Variants in SPAG16 observed in about 807,000 individuals in gnomAD.
SPAG16 encodes the protein sperm associated antigen 16.
Under a neutral mutation model 80.4 loss-of-function variants are expected in SPAG16, and 86 were observed. That is an observed-to-expected ratio of 1.07 (90% CI 0.90 to 1.28). The LOEUF is 1.28. Among genes scored for constraint, SPAG16 ranks in the 50% most tolerant of loss-of-function variants. SPAG16 has a pLI of 0.00. For synonymous variants in SPAG16, 294 were observed against 265.9 expected (o/e 1.11, Z -1.03); for missense variants, 870 against 765.3 (o/e 1.14, Z -1.61).
intron 15 of SPAG16, among the ~76,000 whole-genome samples, chr2:214,214,951 T>C (rs1441311376): frequency 6.6e-6 from 1 of 151,758 alleles, no homozygotes; most frequent in Non-Finnish European, 1.5e-5. Context: ...ATTACATTTA[T>C]GGCAAATCTG....
intron 10 of SPAG16, among the ~76,000 whole-genome samples, chr2:213,656,269 T>G (rs968838901): frequency 6.6e-6 from 1 of 152,210 alleles, no homozygotes; most frequent in African/African-American, 2.4e-5. Flanking sequence ...AAGCTCTGTC[T>G]CCCAGGTTCT....
chr2:214,245,256 A>G (rs756894740), intron 15 of SPAG16, among the ~76,000 whole-genome samples: 1 of 152,110 alleles, frequency 6.6e-6, no homozygotes, highest in African/African-American at 2.4e-5. Context: ...TATCCACGCT[A>G]TTCCCGGCAT....
intron 15 of SPAG16, among the ~76,000 whole-genome samples, chr2:214,275,643 C>G (rs955537574): frequency 6.6e-6 from 1 of 152,184 alleles, no homozygotes; most frequent in Admixed American, 6.5e-5. Context: ...TTTGATTGCA[C>G]TGTGGTCTGA....
At chr2:213,295,927 T>G (rs2062477186) in intron 1 of SPAG16, 137 bp from the exon 2 acceptor site, 6 of 602,742 alleles carry the variant, frequency 1.0e-5, no homozygotes, top group Non-Finnish European at 1.4e-5. Context: ...ACAAATTTTT[T>G]AAAGATTAAA....
At chr2:214,276,370 A>G (rs1164881224) in intron 15 of SPAG16, among the ~76,000 whole-genome samples, 1 of 152,140 alleles carries the variant, frequency 6.6e-6, no homozygotes, top group African/African-American at 2.4e-5. Flanking sequence ...CCATTAATTG[A>G]TGTAGTTTCT....
intron 13 of SPAG16, among the ~76,000 whole-genome samples, chr2:214,082,946 C>T (rs2051483449): frequency 6.6e-6 from 1 of 152,186 alleles, no homozygotes; most frequent in South Asian, 2.1e-4. Context: ...AACATAATCA[C>T]AAACTCTGAC....
chr2:213,926,659 T>C (rs2078494273), intron 11 of SPAG16, among the ~76,000 whole-genome samples: 1 of 152,168 alleles, frequency 6.6e-6, no homozygotes, highest in African/African-American at 2.4e-5. Flanking sequence ...GTTATAACCT[T>C]ACGTCGTTTG....
intron 12 of SPAG16, among the ~76,000 whole-genome samples, chr2:213,958,781 G>A (rs896694097): frequency 1.3e-5 from 2 of 152,036 alleles, no homozygotes; most frequent in Non-Finnish European, 2.9e-5. Context: ...GTAGAAAACA[G>A]TGAATTATAA....
chr2:213,711,529 T>A (rs2065986887), intron 10 of SPAG16, among the ~76,000 whole-genome samples: 1 of 150,698 alleles, frequency 6.6e-6, no homozygotes, highest in African/African-American at 2.4e-5. Context: ...TTCTTTCCTT[T>A]TTTTTTTTTT....
intron 14 of SPAG16, among the ~76,000 whole-genome samples, chr2:214,126,346 AG>A (rs2054497858): frequency 6.6e-6 from 1 of 151,306 alleles, no homozygotes; most frequent in African/African-American, 2.4e-5. Context: ...AGGAAGGTGG[AG>A]AAGGTCAGAG....
At chr2:213,973,636 CTT>C (rs375765183) in intron 12 of SPAG16, among the ~76,000 whole-genome samples, 2,095 of 140,626 alleles carry the variant, frequency 0.015, 52 homozygotes, top group African/African-American at 0.051. Context: ...AAATTGCCCC[CTT>C]TTTTTTTTTT....
Position 213,640,362 on chromosome 2 carries a change from A to G in SPAG16, c.1070+150272A>G, listed in dbSNP as rs1404423665. Reference sequence around the variant, plus strand: ...AGAATTGTTTTTCTGGTTCCTTCTCATTTGGGTAGACTATGTCAGTGGAAA... The same window carrying G: ...AGAATTGTTTTTCTGGTTCCTTCTCGTTTGGGTAGACTATGTCAGTGGAAA... On this transcript the variant is annotated intron_variant, in intron 10 of 15. Coordinates refer to ENST00000331683, the MANE Select transcript of SPAG16 (RefSeq NM_024532.5). 2.6e-5 allele frequency among the ~76,000 whole-genome samples: 4 copies of G among 151,940 alleles called. No individual in the cohort carries two copies. The East Asian group carries it at 7.7e-4, about 29-fold the overall frequency.
At chr2:213,768,645 G>A (rs1003057709) in intron 10 of SPAG16, among the ~76,000 whole-genome samples, 1 of 152,180 alleles carries the variant, frequency 6.6e-6, no homozygotes, top group Non-Finnish European at 1.5e-5. Flanking sequence ...GGTCTCAGAT[G>A]ATGAAAATAA....
At chr2:213,861,605 G>A (rs2105947282) in intron 10 of SPAG16, among the ~76,000 whole-genome samples, 1 of 152,242 alleles carries the variant, frequency 6.6e-6, no homozygotes, top group African/African-American at 2.4e-5. Context: ...AATTTTAATA[G>A]GTGCTTAACA....
chr2:214,365,979 GTTT>G (rs200531261), intron 15 of SPAG16, among the ~76,000 whole-genome samples: 1 of 140,740 alleles, frequency 7.1e-6, no homozygotes. Context: ...TATTTGCCAG[GTTT>G]TTTTTTTTTT....
chr2:214,154,591 G>A (rs1223885911), intron 15 of SPAG16, among the ~76,000 whole-genome samples: 1 of 145,662 alleles, frequency 6.9e-6, no homozygotes, highest in Non-Finnish European at 1.5e-5. Flanking sequence ...AAAATCTACA[G>A]TTCATCATTT....
intron 15 of SPAG16, among the ~76,000 whole-genome samples, chr2:214,388,893 T>A (rs1158725363): frequency 1.3e-5 from 2 of 152,170 alleles, no homozygotes; most frequent in Non-Finnish European, 2.9e-5. Flanking sequence ...CCTGTATTAA[T>A]AGACTGTTCC....
intron 15 of SPAG16, among the ~76,000 whole-genome samples, chr2:214,405,073 T>C (rs1315699554): frequency 6.6e-6 from 1 of 152,182 alleles, no homozygotes; most frequent in Non-Finnish European, 1.5e-5. Flanking sequence ...AATTCAGTGA[T>C]ATTCATAAAG....
intron 10 of SPAG16, among the ~76,000 whole-genome samples, chr2:213,540,028 AATTTTTT>A (rs1330585286): frequency 1.0e-4 from 13 of 130,456 alleles, no homozygotes; most frequent in African/African-American, 3.5e-4. Flanking sequence ...TATATTTCTT[AATTTTTT>A]TTTTTTTTTT....
Sources: gnomAD v4.1 joint callset for allele counts (sites outside exome capture counted in the v4.1 genomes callset) on GRCh38, gnomAD v4.1.1 for gene constraint, MANE v1.5 for transcripts, NCBI Gene and HGNC (gene_info 2026-07-23, HGNC 2026-07-21) for gene names.